The following CFDP1 variants were observed in gnomAD, a reference collection of about 807,000 sequenced individuals.
The protein encoded by CFDP1 is chromatin remodeling protein CFDP1, also known as heterochromatin-stabilizing protein CFDP1.
Under a neutral mutation model 40.1 loss-of-function variants are expected in CFDP1, and 31 were observed. The observed-to-expected ratio is 0.77, with a 90% CI of 0.58 to 1.04. CFDP1 has a LOEUF of 1.04. Ranked by LOEUF, CFDP1 falls within the 50% of genes least tolerant of loss-of-function variation. The pLI is 0.00. For missense variants in CFDP1, 423 were observed against 343.4 expected (o/e 1.23, Z -1.83); for synonymous variants, 167 against 120.0 (o/e 1.39, Z -2.56).
chr16:75,351,627 T>C (rs184375753), intron 5 of CFDP1, among the ~76,000 whole-genome samples: 16 of 152,304 alleles, frequency 1.1e-4, no homozygotes, highest in Non-Finnish European at 1.5e-4. Flanking sequence ...TTAGTTACTA[T>C]GGAGGAGGTT....
At chr16:75,330,036 G>A (rs1358833537) in intron 5 of CFDP1, among the ~76,000 whole-genome samples, 1 of 152,146 alleles carries the variant, frequency 6.6e-6, no homozygotes, top group East Asian at 1.9e-4. Context: ...TATTAGAAAT[G>A]CAAACTCTAG....
At chr16:75,353,618 G>A (rs1395853948) in intron 5 of CFDP1, among the ~76,000 whole-genome samples, 1 of 151,784 alleles carries the variant, frequency 6.6e-6, no homozygotes, top group East Asian at 1.9e-4. Flanking sequence ...GCGCGGTGGC[G>A]GGCACCTATA....
chr16:75,310,969 T>G (rs796470467), intron 5 of CFDP1, among the ~76,000 whole-genome samples: 2 of 152,334 alleles, frequency 1.3e-5, no homozygotes, highest in African/African-American at 4.8e-5. Context: ...TACCAGACAC[T>G]GTGCTCAGAA....
intron 5 of CFDP1, among the ~76,000 whole-genome samples, chr16:75,348,049 C>T (rs555311067): frequency 6.6e-5 from 10 of 152,158 alleles, no homozygotes; most frequent in Non-Finnish European, 1.3e-4. Flanking sequence ...GGAACACAAA[C>T]GGTTATTAGT....
At chr16:75,414,726 G>A (rs1306624500) in intron 1 of CFDP1, 31 bp from the exon 2 acceptor site, 1 of 1,402,494 alleles carries the variant, frequency 7.1e-7, no homozygotes, top group Non-Finnish European at 1.0e-6. Flanking sequence ...GATCAGACAG[G>A]AATAAAGGTT....
chr16:75,361,088 C>T (rs920680925), intron 5 of CFDP1, among the ~76,000 whole-genome samples: 19 of 152,138 alleles, frequency 1.2e-4, no homozygotes, highest in Admixed American at 9.8e-4. Context: ...TGGCTTACTA[C>T]AACCTCCACC....
At chr16:75,303,729 T>C (rs1366893276) in intron 6 of CFDP1, among the ~76,000 whole-genome samples, 1 of 152,230 alleles carries the variant, frequency 6.6e-6, no homozygotes, top group Non-Finnish European at 1.5e-5. Context: ...TGTAAAGTGC[T>C]TTATGTATAT....
chr16:75,407,108 G>A (rs960804742), intron 4 of CFDP1, among the ~76,000 whole-genome samples: 1 of 151,924 alleles, frequency 6.6e-6, no homozygotes. Flanking sequence ...GTGGGAGGCT[G>A]ACGTGGGAGG....
chr16:75,316,358 C>T (rs908337566), intron 5 of CFDP1, among the ~76,000 whole-genome samples: 1 of 152,146 alleles, frequency 6.6e-6, no homozygotes, highest in African/African-American at 2.4e-5. Context: ...CACTCTATAA[C>T]GTCTTCGGCT....
At chr16:75,375,728 T>G (rs1233800924) in intron 5 of CFDP1, among the ~76,000 whole-genome samples, 1 of 149,392 alleles carries the variant, frequency 6.7e-6, no homozygotes, top group Non-Finnish European at 1.5e-5. Flanking sequence ...GAGGTGGAGG[T>G]TGCAGTGAGC....
At chr16:75,325,453 C>T (rs563162917) in intron 5 of CFDP1, among the ~76,000 whole-genome samples, 2 of 152,360 alleles carry the variant, frequency 1.3e-5, no homozygotes, top group East Asian at 1.9e-4. Flanking sequence ...CTATTTAATA[C>T]TGCAAGCTTC....
At chr16:75,369,736 C>T (rs2078738901) in intron 5 of CFDP1, among the ~76,000 whole-genome samples, 1 of 152,124 alleles carries the variant, frequency 6.6e-6, no homozygotes, top group African/African-American at 2.4e-5. Context: ...TTGACCAACA[C>T]TTTACTTACT....
intron 5 of CFDP1, among the ~76,000 whole-genome samples, chr16:75,316,475 A>C (rs1349680178): frequency 1.4e-5 from 2 of 142,908 alleles, no homozygotes; most frequent in African/African-American, 5.2e-5. Flanking sequence ...GAGGCCAGGG[A>C]GGGAGGATCG....
intron 6 of CFDP1, among the ~76,000 whole-genome samples, chr16:75,298,193 G>A (rs897888082): frequency 3.3e-5 from 5 of 152,192 alleles, no homozygotes; most frequent in African/African-American, 4.8e-5. Context: ...TGCTGATGAC[G>A]TAAAAGCAAA....
chr16:75,347,572 G>C (rs745961054), intron 5 of CFDP1, among the ~76,000 whole-genome samples: 79 of 149,910 alleles, frequency 5.3e-4, no homozygotes, highest in Non-Finnish European at 4.9e-4. Flanking sequence ...CCAGCTACTC[G>C]GGAGGCTGAG....
In CFDP1 at chr16:75,363,417, A is replaced by G. The variant is rs555524309; in HGVS notation, c.650+31673T>C. Among the ~76,000 whole-genome samples, 500 of 149,346 alleles carry G rather than the reference A, an allele frequency of 3.3e-3. 2 individuals are homozygous for G. The highest frequency in any genetic ancestry group is 0.012 in the African/African-American group (487 of 40,456). The stretch of plus-strand genomic sequence containing the variant: ...TACCTTTTTTTTTTTTTTCCATGAG[A>G]TGGTGTCTCGCTCTGTCGCCCAGGC... On this transcript the variant is annotated intron_variant, in intron 5 of 6. Coordinates refer to ENST00000283882, the MANE Select transcript of CFDP1 (RefSeq NM_006324.3).
chr16:75,330,673 G>C (rs1462979222), intron 5 of CFDP1, among the ~76,000 whole-genome samples: 3 of 152,096 alleles, frequency 2.0e-5, no homozygotes, highest in African/African-American at 4.8e-5. Context: ...TTCTACAGCT[G>C]GTTTTGAATT....
At chr16:75,334,635 C>G (rs912730490) in intron 5 of CFDP1, among the ~76,000 whole-genome samples, 2 of 152,068 alleles carry the variant, frequency 1.3e-5, no homozygotes, top group South Asian at 2.1e-4. Flanking sequence ...ACGAAGAAAC[C>G]AAAGCACAAG....
At chr16:75,388,837 G>A (rs1005047704) in intron 5 of CFDP1, among the ~76,000 whole-genome samples, 21 of 151,946 alleles carry the variant, frequency 1.4e-4, no homozygotes, top group African/African-American at 4.8e-4. Flanking sequence ...GGTACTGTGA[G>A]GGATTCTGTG....
Sources: allele counts gnomAD v4.1 joint callset (sites outside exome capture counted in the v4.1 genomes callset), GRCh38; gene constraint gnomAD v4.1.1; transcripts MANE v1.5; gene names NCBI Gene and HGNC (gene_info 2026-07-23, HGNC 2026-07-21).